Variants in CLEC16A observed in about 807,000 individuals in gnomAD.
The protein encoded by CLEC16A is C-type lectin domain containing 16A.
Under a neutral mutation model 109.5 loss-of-function variants are expected in CLEC16A, and 51 were observed. The observed-to-expected ratio is 0.47, with a 90% CI of 0.37 to 0.59. The LOEUF is 0.59. Ranked by LOEUF, CLEC16A falls within the 20% of genes least tolerant of loss-of-function variation. The pLI is 0.00. For missense variants in CLEC16A, 1,339 were observed against 1,394.0 expected, an observed-to-expected ratio of 0.96 and a Z score of 0.63; for synonymous variants, 673 against 564.2, an observed-to-expected ratio of 1.19 and a Z score of -2.73.
At chr16:11,118,680 G>A (rs539019600) in intron 19 of CLEC16A, among the ~76,000 whole-genome samples, 7 of 152,328 alleles carry the variant, frequency 4.6e-5, no homozygotes, top group African/African-American at 1.7e-4. Context: ...TGTTGCCTGT[G>A]CTTTTGAGGT....
chr16:11,122,348 C>T (rs984164655), intron 20 of CLEC16A, among the ~76,000 whole-genome samples: 2 of 152,206 alleles, frequency 1.3e-5, no homozygotes, highest in Admixed American at 6.5e-5. Flanking sequence ...CATTAAGTGA[C>T]TTATGCTTAT....
chr16:11,037,424 G>A (rs1445644469), intron 13 of CLEC16A, among the ~76,000 whole-genome samples: 1 of 152,246 alleles, frequency 6.6e-6, no homozygotes, highest in African/African-American at 2.4e-5. Flanking sequence ...CTGGTACAGA[G>A]AGAAGTGTTT....
chr16:11,166,598 C>T (rs201199111), intron 23 of CLEC16A, 46 bp downstream of exon 23: 285 of 1,508,308 alleles, frequency 1.9e-4, no homozygotes, highest in Non-Finnish European at 2.3e-4. Flanking sequence ...TGGAGAACCC[C>T]GTGATCCCTC....
chr16:10,956,044 G>A (rs1171102921), intron 1 of CLEC16A, among the ~76,000 whole-genome samples: 3 of 152,222 alleles, frequency 2.0e-5, no homozygotes, highest in African/African-American at 7.2e-5. Context: ...TTTGGGAGTG[G>A]GTCCTCCAAT....
chr16:11,109,238 C>G (rs1277677214), intron 19 of CLEC16A, among the ~76,000 whole-genome samples: 1 of 151,488 alleles, frequency 6.6e-6, no homozygotes, highest in African/African-American at 2.4e-5. Context: ...CGATCATGAC[C>G]CAGTGCAACC....
chr16:11,049,855 A>G (rs1213747156), intron 17 of CLEC16A, among the ~76,000 whole-genome samples: 2 of 152,226 alleles, frequency 1.3e-5, no homozygotes, highest in Admixed American at 6.5e-5. Flanking sequence ...TGAGGCAGGA[A>G]CTGCCACCCC....
chr16:11,036,861 T>C (rs2047054220), intron 13 of CLEC16A, among the ~76,000 whole-genome samples: 1 of 152,312 alleles, frequency 6.6e-6, no homozygotes, highest in South Asian at 2.1e-4. Flanking sequence ...ACTTTCCTTT[T>C]ATAACACGAA....
intron 10 of CLEC16A, among the ~76,000 whole-genome samples, chr16:10,988,835 C>T (rs16957872): frequency 0.14 from 21,833 of 152,118 alleles, 1,597 homozygotes; most frequent in African/African-American, 0.19. Context: ...GTGTAAAGTG[C>T]TTACTCCAAA....
chr16:10,967,988 G>T (rs912300091), intron 3 of CLEC16A, among the ~76,000 whole-genome samples: 1 of 152,274 alleles, frequency 6.6e-6, no homozygotes, highest in African/African-American at 2.4e-5. Flanking sequence ...AAGCTCCGGG[G>T]TTGCTGTGCT....
At chr16:11,116,911 G>A (rs899533458) in intron 19 of CLEC16A, among the ~76,000 whole-genome samples, 13 of 152,272 alleles carry the variant, frequency 8.5e-5, no homozygotes, top group African/African-American at 3.1e-4. Flanking sequence ...ATTCAAAATA[G>A]TAGACTCATG....
At chr16:11,000,318 GT>G (rs1395383230) in intron 10 of CLEC16A, among the ~76,000 whole-genome samples, 7 of 152,198 alleles carry the variant, frequency 4.6e-5, no homozygotes, top group African/African-American at 1.2e-4. Context: ...AGTTTGTTCT[GT>G]ATGTCTGAGT....
chr16:11,166,944 T>C (rs1013406242), intron 23 of CLEC16A, among the ~76,000 whole-genome samples: 2 of 152,142 alleles, frequency 1.3e-5, no homozygotes, highest in African/African-American at 4.8e-5. Flanking sequence ...ATTTTTTTTT[T>C]CCTCTGTAAC....
At chr16:11,053,117 C>T (rs768771145) in intron 18 of CLEC16A, among the ~76,000 whole-genome samples, 1 of 152,164 alleles carries the variant, frequency 6.6e-6, no homozygotes, top group Non-Finnish European at 1.5e-5. Context: ...CCTTGAACTC[C>T]TGGCCTCAAG....
chr16:10,979,542 T>A (rs1395680149), intron 9 of CLEC16A, among the ~76,000 whole-genome samples, 160 bp downstream of exon 9: 1 of 152,176 alleles, frequency 6.6e-6, no homozygotes, highest in Non-Finnish European at 1.5e-5. Context: ...GTTTTCCAGG[T>A]ACTAAATAGA....
At chr16:11,083,507 G>T (rs2049846676) in intron 19 of CLEC16A, among the ~76,000 whole-genome samples, 1 of 152,224 alleles carries the variant, frequency 6.6e-6, no homozygotes, top group Non-Finnish European at 1.5e-5. Context: ...TAAGTGTGGA[G>T]GCCCCATGTG....
intron 22 of CLEC16A, among the ~76,000 whole-genome samples, chr16:11,131,466 G>C (rs1225263516): frequency 6.6e-6 from 1 of 152,220 alleles, no homozygotes; most frequent in African/African-American, 2.4e-5. Context: ...TGGCCCAGAG[G>C]CTGCTTCAGG....
At chr16:11,116,663 A>G (rs2052017337) in intron 19 of CLEC16A, among the ~76,000 whole-genome samples, 1 of 152,190 alleles carries the variant, frequency 6.6e-6, no homozygotes, top group Non-Finnish European at 1.5e-5. Context: ...GTGCTTTTAG[A>G]TCAGGATGAA....
chr16:11,023,120 T>C (rs2046216827), intron 12 of CLEC16A, among the ~76,000 whole-genome samples: 1 of 149,592 alleles, frequency 6.7e-6, no homozygotes, highest in Non-Finnish European at 1.5e-5. Context: ...TTTTTTCCGA[T>C]GTGAACTTTC....
At chr16:10,982,443 A>G (rs1261019013) in intron 9 of CLEC16A, among the ~76,000 whole-genome samples, 1 of 152,200 alleles carries the variant, frequency 6.6e-6, no homozygotes, top group Non-Finnish European at 1.5e-5. Flanking sequence ...CTTGATTGGA[A>G]CAAAACTCTC....
Sources: gnomAD v4.1 joint callset for allele counts (sites outside exome capture counted in the v4.1 genomes callset) on GRCh38, gnomAD v4.1.1 for gene constraint, MANE v1.5 for transcripts, NCBI Gene and HGNC (gene_info 2026-07-23, HGNC 2026-07-21) for gene names.